The following KAZN variants were observed in gnomAD, a reference collection of about 807,000 sequenced individuals.
The protein encoded by KAZN is kazrin, periplakin interacting protein, also known as kazrin.
Under a neutral mutation model 87.4 loss-of-function variants are expected in KAZN, and 40 were observed. That is an observed-to-expected ratio of 0.46 (90% confidence interval 0.36 to 0.60). KAZN has a LOEUF of 0.60. Among genes scored for constraint, KAZN ranks in the 20% least tolerant of loss-of-function variants. KAZN has a pLI of 0.00. For synonymous variants in KAZN, 466 were observed against 458.3 expected (o/e 1.02, Z -0.22); for missense variants, 898 against 1,073.9 (o/e 0.84, Z 2.29).
chr1:14,791,562 C>T (rs1020064307), intron 1 of KAZN, among the ~76,000 whole-genome samples: 1 of 152,224 alleles, frequency 6.6e-6, no homozygotes, highest in Non-Finnish European at 1.5e-5. Context: ...GGTCCCTGGA[C>T]ATGCCTCTGG....
At chr1:14,988,316 TGCGGGCAGC>T (rs750136232) in intron 2 of KAZN, among the ~76,000 whole-genome samples, 3 of 152,208 alleles carry the variant, frequency 2.0e-5, no homozygotes, top group Non-Finnish European at 2.9e-5. Context: ...GCCCCTCCCC[TGCGGGCAGC>T]TGGCCGCATT....
chr1:14,046,772 G>T (rs916992517), intron 1 of KAZN, among the ~76,000 whole-genome samples: 2 of 152,210 alleles, frequency 1.3e-5, no homozygotes, highest in Non-Finnish European at 1.5e-5. Context: ...CCAGGGACTT[G>T]GCTCTTGCTT....
chr1:14,592,834 G>A (rs987055525), intron 2 of KAZN, among the ~76,000 whole-genome samples: 1 of 152,138 alleles, frequency 6.6e-6, no homozygotes, highest in African/African-American at 2.4e-5. Flanking sequence ...CTTGTCCCAC[G>A]TACGGATTCC....
chr1:14,703,644 T>C (rs1364914949), intron 1 of KAZN, among the ~76,000 whole-genome samples: 2 of 152,174 alleles, frequency 1.3e-5, no homozygotes, highest in African/African-American at 2.4e-5. Context: ...TTGGGAGGCG[T>C]AGGCAGGAAG....
chr1:14,197,661 C>G (rs1646556179), intron 2 of KAZN, among the ~76,000 whole-genome samples: 1 of 152,168 alleles, frequency 6.6e-6, no homozygotes, highest in Non-Finnish European at 1.5e-5. Flanking sequence ...ACACTTCAGC[C>G]TGTGTGACAC....
chr1:14,771,117 G>C (rs184195713), intron 1 of KAZN, among the ~76,000 whole-genome samples: 1 of 152,132 alleles, frequency 6.6e-6, no homozygotes. Context: ...AGAATGATTC[G>C]CTGTGATCAT....
intron 2 of KAZN, among the ~76,000 whole-genome samples, chr1:14,439,614 A>C (rs1313085069): frequency 6.6e-6 from 1 of 152,222 alleles, no homozygotes; most frequent in Non-Finnish European, 1.5e-5. Context: ...GTGGCTACTG[A>C]GCACTTAAAA....
intron 1 of KAZN, among the ~76,000 whole-genome samples, chr1:14,044,109 A>ATCTCTC (rs70987715): frequency 2.7e-5 from 4 of 149,934 alleles, no homozygotes; most frequent in South Asian, 4.2e-4. Flanking sequence ...TCTCCATGTG[A>ATCTCTC]TCTCTCTCTC....
intron 2 of KAZN, among the ~76,000 whole-genome samples, chr1:14,364,197 T>C (rs549069657): frequency 6.6e-6 from 1 of 152,244 alleles, no homozygotes; most frequent in South Asian, 2.1e-4. Context: ...CTGCCGCTGA[T>C]GCATCAGAGC....
At chr1:14,891,915 G>A (rs1248414407) in intron 1 of KAZN, among the ~76,000 whole-genome samples, 2 of 152,146 alleles carry the variant, frequency 1.3e-5, no homozygotes, top group East Asian at 1.9e-4. Context: ...ATGAGCCTCC[G>A]TTAGTCGGCT....
At chr1:14,178,037 G>A (rs183007928) in intron 1 of KAZN, among the ~76,000 whole-genome samples, 2 of 152,088 alleles carry the variant, frequency 1.3e-5, no homozygotes, top group Admixed American at 6.6e-5. Context: ...TCATGGGGGC[G>A]GTTACCTCCA....
At chr1:14,582,921 C>T (rs1675640697) in intron 2 of KAZN, among the ~76,000 whole-genome samples, 1 of 152,152 alleles carries the variant, frequency 6.6e-6, no homozygotes, top group Non-Finnish European at 1.5e-5. Context: ...GCCACTAGAC[C>T]ATGAGCACCG....
intron 2 of KAZN, among the ~76,000 whole-genome samples, chr1:14,400,182 T>G (rs748663406): frequency 2.0e-5 from 3 of 152,150 alleles, no homozygotes; most frequent in African/African-American, 4.8e-5. Context: ...TTTGTTCACA[T>G]GTCTTTCTTT....
intron 2 of KAZN, among the ~76,000 whole-genome samples, chr1:14,539,080 A>G (rs1672662209): frequency 6.6e-6 from 1 of 152,214 alleles, no homozygotes; most frequent in Admixed American, 6.5e-5. Context: ...ACCTGGCTTA[A>G]AGCATTAAGT....
chr1:14,267,096 A>G (rs1315301324), intron 2 of KAZN, among the ~76,000 whole-genome samples: 1 of 136,588 alleles, frequency 7.3e-6, no homozygotes, highest in Non-Finnish European at 1.5e-5. Context: ...TTTTTTTCTC[A>G]TCAACATTAT....
intron 1 of KAZN, among the ~76,000 whole-genome samples, chr1:14,125,358 A>G (rs1265169998): frequency 6.6e-6 from 1 of 152,200 alleles, no homozygotes; most frequent in African/African-American, 2.4e-5. Context: ...GTCCTAGCCA[A>G]ACATTCCCCA....
At chr1:14,695,488 C>G (rs1054138008) in intron 1 of KAZN, among the ~76,000 whole-genome samples, 6 of 108,608 alleles carry the variant, frequency 5.5e-5, no homozygotes, top group East Asian at 2.8e-4. Context: ...AATGCCACCT[C>G]TTTCCCCAGA....
rs1000416727 is a variant in KAZN, at chr1:14,699,041, G to T, written c.226+99818G>T. On this transcript the variant is annotated intron_variant, in intron 1 of 14. Coordinates refer to ENST00000376030, the MANE Select transcript of KAZN (RefSeq NM_201628.3). Reference sequence around the variant, plus strand: ...CCTTATCCACCTCTGCTCTTCCAGCGTCTGGCTGTAGCACATAGGAAAGCC... The same window carrying T: ...CCTTATCCACCTCTGCTCTTCCAGCTTCTGGCTGTAGCACATAGGAAAGCC... Among the ~76,000 whole-genome samples, 8 of 152,316 alleles carry T rather than the reference G, an allele frequency of 5.3e-5. No individual in the cohort carries two copies. In the South Asian group the frequency reaches 8.3e-4, roughly 16 times the overall value.
intron 1 of KAZN, among the ~76,000 whole-genome samples, chr1:14,847,055 T>C (rs1463632878): frequency 6.6e-6 from 1 of 152,234 alleles, no homozygotes; most frequent in Admixed American, 6.5e-5. Flanking sequence ...AGTGATTTTT[T>C]TCTCCCCTAT....
Sources: gnomAD v4.1 joint callset for allele counts (sites outside exome capture counted in the v4.1 genomes callset) on GRCh38, gnomAD v4.1.1 for gene constraint, MANE v1.5 for transcripts, NCBI Gene and HGNC (gene_info 2026-07-23, HGNC 2026-07-21) for gene names.